The following MAPK6 variants were observed in gnomAD, a reference collection of about 807,000 sequenced individuals.
The protein encoded by MAPK6 is mitogen-activated protein kinase 6.
In MAPK6, 19 loss-of-function variants were observed where a neutral mutation model predicts 59.3. That is an observed-to-expected ratio of 0.32 (90% CI 0.22 to 0.47). MAPK6 has a LOEUF of 0.47. MAPK6 is among the 20% of genes least tolerant of loss of function. The pLI is 1.00. For synonymous variants in MAPK6, 316 were observed against 290.3 expected (o/e 1.09, Z -0.90); for missense variants, 724 against 847.9 (o/e 0.85, Z 1.81).
chr15:52,037,037 C>G (rs2031266113), intron 1 of MAPK6, among the ~76,000 whole-genome samples: 1 of 152,138 alleles, frequency 6.6e-6, no homozygotes, highest in Non-Finnish European at 1.5e-5. Flanking sequence ...CGGGGCTGAT[C>G]TGTAATTCCA....
intron 1 of MAPK6, among the ~76,000 whole-genome samples, chr15:52,041,193 G>GT (rs907249107): frequency 1.3e-5 from 2 of 151,828 alleles, no homozygotes; most frequent in African/African-American, 4.8e-5. Context: ...TTGTTTTTTT[G>GT]TTTTTTTGTT....
At position 52,030,541 on chromosome 15, in the gene MAPK6, C is replaced by G. The variant is rs190255227; in HGVS notation, c.-632+11165C>G. On this transcript the variant is annotated intron_variant, in intron 1 of 5. Coordinates refer to ENST00000261845, the MANE Select transcript of MAPK6 (RefSeq NM_002748.4). ...AGAAACTTAAATGGGGCCTGATTAT[C>G]AGATGGTAGTACTATACCAGCGTTA... 4.8e-5 allele frequency among the ~76,000 whole-genome samples: 7 copies of G among 146,550 alleles called. No individual in the cohort carries two copies. In the East Asian group the frequency reaches 1.4e-3, roughly 30 times the overall value.
rs769859635 is a variant in MAPK6, at chr15:52,064,187, A to G, written c.1353A>G (p.Ser451=). The change falls in exon 6 of 6, where the codon TCA becomes TCG. Residue 451 remains serine (S), a synonymous_variant. Transcript: ENST00000261845. ...SHTCNYKTRS[S]SYLDNLVWRE... The stretch of plus-strand genomic sequence containing the variant: ...CTTGTAACTACAAAACGAGGTCATC[A>G]TCATATTTAGATAACTTAGTTTGGA... 1 of 1,612,806 alleles carries G rather than the reference A, an allele frequency of 6.2e-7. No individual in the cohort carries two copies.
At chr15:52,044,838 A>G (rs117536129) in intron 1 of MAPK6, among the ~76,000 whole-genome samples, 2,309 of 152,150 alleles carry the variant, frequency 0.015, 66 homozygotes, top group East Asian at 0.076. Flanking sequence ...AATAAATAAC[A>G]CATTAAAACG....
intron 1 of MAPK6, among the ~76,000 whole-genome samples, chr15:52,033,463 T>G (rs1042440408): frequency 6.6e-6 from 1 of 152,216 alleles, no homozygotes; most frequent in African/African-American, 2.4e-5. Context: ...CTTCTGTTCC[T>G]CCTGCCCTTG....
intron 3 of MAPK6, among the ~76,000 whole-genome samples, chr15:52,010,830 C>T (rs1313981501): frequency 6.6e-6 from 1 of 152,130 alleles, no homozygotes; most frequent in Admixed American, 6.5e-5. Flanking sequence ...AGGGGATACT[C>T]TTGTTGCCCC....
chr15:52,055,889 A>G (rs1184126926), intron 3 of MAPK6, among the ~76,000 whole-genome samples: 1 of 152,228 alleles, frequency 6.6e-6, no homozygotes, highest in Non-Finnish European at 1.5e-5. Flanking sequence ...GAATAAAAAT[A>G]ATTGGATTTG....
At chr15:52,025,573 C>G (rs1223575664) in intron 1 of MAPK6, among the ~76,000 whole-genome samples, 2 of 152,148 alleles carry the variant, frequency 1.3e-5, no homozygotes, top group African/African-American at 4.8e-5. Context: ...GAGGCTGAGG[C>G]GGGCGGATCA....
intron 3 of MAPK6, among the ~76,000 whole-genome samples, chr15:52,014,032 C>G (rs1180857055): frequency 6.6e-6 from 1 of 152,030 alleles, no homozygotes; most frequent in Non-Finnish European, 1.5e-5. Context: ...AAAGTGTGCC[C>G]TGCATGCTCA....
At chr15:52,029,126 C>T (rs1566904412) in intron 1 of MAPK6, among the ~76,000 whole-genome samples, 1 of 152,242 alleles carries the variant, frequency 6.6e-6, no homozygotes. Context: ...CAACCTCCAT[C>T]TACTGGGTTC....
intron 4 of MAPK6, among the ~76,000 whole-genome samples, chr15:52,061,039 C>T (rs1436647312): frequency 6.6e-6 from 1 of 152,186 alleles, no homozygotes; most frequent in Non-Finnish European, 1.5e-5. Flanking sequence ...AGCCACCACA[C>T]TCAGCCAGAA....
intron 1 of MAPK6, among the ~76,000 whole-genome samples, chr15:52,040,010 G>T (rs949227443): frequency 6.6e-6 from 1 of 152,150 alleles, no homozygotes; most frequent in Non-Finnish European, 1.5e-5. Flanking sequence ...CCTCCTTGAT[G>T]TCCAAATCCT....
At chr15:52,015,694 C>T (rs1212460810), upstream of MAPK6, among the ~76,000 whole-genome samples, 6 of 149,954 alleles carry the variant, frequency 4.0e-5, no homozygotes, top group Non-Finnish European at 7.4e-5. Context: ...TCAGGTGATC[C>T]GCCCACCTTA....
In MAPK6 at chr15:52,046,877, G is replaced by A. The variant is rs773211716; in HGVS notation, c.417G>A (p.Gly139=). Residue 139 remains glycine (G), a synonymous_variant, in exon 2 of 6, where the codon GGG becomes GGA. Transcript: ENST00000261845. ...ARLFMYQLLR[G]LKYIHSANVL... ...TTTTCATGTATCAGCTGCTACGGGG[G>A]CTCAAGTATATTCACTCTGCAAATG... 1 of 1,613,898 alleles carries A rather than the reference G, an allele frequency of 6.2e-7. No homozygotes were observed. Among genetic ancestry groups the A allele is most frequent in the African/African-American group, 1.3e-5 (1 of 74,896 alleles).
At chr15:52,033,058 T>A (rs532476570) in intron 1 of MAPK6, among the ~76,000 whole-genome samples, 1 of 152,280 alleles carries the variant, frequency 6.6e-6, no homozygotes, top group South Asian at 2.1e-4. Context: ...TTATCCCACC[T>A]CACTTCCTGA....
At chr15:51,986,000 T>G (rs2057190171) in intron 2 of MAPK6, among the ~76,000 whole-genome samples, 1 of 152,032 alleles carries the variant, frequency 6.6e-6, no homozygotes. Context: ...TGTATGTCAC[T>G]GTATTAGTCT....
intron 3 of MAPK6, among the ~76,000 whole-genome samples, chr15:52,007,684 T>C (rs1186363675): frequency 2.1e-5 from 3 of 145,994 alleles, no homozygotes; most frequent in East Asian, 2.0e-4. Context: ...GCCTGGGCAA[T>C]AGAGCTAGAG....
chr15:52,006,826 A>C (rs1467815746), intron 3 of MAPK6, among the ~76,000 whole-genome samples: 2 of 152,196 alleles, frequency 1.3e-5, no homozygotes, highest in Admixed American at 6.5e-5. Context: ...GGTCTAACAA[A>C]TACCATCCTT....
intron 1 of MAPK6, among the ~76,000 whole-genome samples, chr15:52,042,061 A>AC (rs1453549662): frequency 2.0e-5 from 3 of 152,206 alleles, no homozygotes; most frequent in African/African-American, 7.2e-5. Flanking sequence ...AATTGGAAAC[A>AC]CTTATTGGAT....
Sources: gnomAD v4.1 joint callset for allele counts (sites outside exome capture counted in the v4.1 genomes callset) on GRCh38, gnomAD v4.1.1 for gene constraint, MANE v1.5 for transcripts, NCBI Gene and HGNC (gene_info 2026-07-23, HGNC 2026-07-21) for gene names.